The following CNTN6 variants were observed in gnomAD, a reference collection of about 807,000 sequenced individuals.
The protein encoded by CNTN6 is contactin-6.
In CNTN6, 137 loss-of-function variants were observed where a neutral mutation model predicts 122.8. That is an observed-to-expected ratio of 1.12 (90% CI 0.97 to 1.29). The LOEUF (loss-of-function observed/expected upper bound fraction) is 1.29. CNTN6 is among the 50% of genes most tolerant of loss of function. CNTN6 has a pLI of 0.00. For synonymous variants in CNTN6, 570 were observed against 426.0 expected, an observed-to-expected ratio of 1.34 and a Z score of -4.16; for missense variants, 1,634 against 1,223.4, an observed-to-expected ratio of 1.34 and a Z score of -5.01.
At chr3:1,241,319 A>G (rs1338049347) in intron 4 of CNTN6, among the ~76,000 whole-genome samples, 1 of 151,774 alleles carries the variant, frequency 6.6e-6, no homozygotes, top group African/African-American at 2.4e-5. Flanking sequence ...TGGGGGTGGT[A>G]TGGAGAGAGA....
chr3:1,287,489 C>T (rs1694547690), intron 5 of CNTN6, among the ~76,000 whole-genome samples: 2 of 152,102 alleles, frequency 1.3e-5, no homozygotes, highest in Non-Finnish European at 2.9e-5. Flanking sequence ...GAAGTCTAGT[C>T]CTCATATATT....
At chr3:1,122,418 G>T (rs2091992294) in intron 1 of CNTN6, among the ~76,000 whole-genome samples, 1 of 151,536 alleles carries the variant, frequency 6.6e-6, no homozygotes, top group Non-Finnish European at 1.5e-5. Flanking sequence ...TCAACCAGCG[G>T]TGATTTAAAA....
intron 11 of CNTN6, among the ~76,000 whole-genome samples, chr3:1,344,978 G>GT (rs1704449601): frequency 6.6e-6 from 1 of 151,750 alleles, no homozygotes; most frequent in African/African-American, 2.4e-5. Context: ...TGTCTCTTTT[G>GT]CTTTTTTTCA....
chr3:1,278,174 C>G (rs1175802094), intron 4 of CNTN6, among the ~76,000 whole-genome samples: 1 of 152,094 alleles, frequency 6.6e-6, no homozygotes, highest in African/African-American at 2.4e-5. Flanking sequence ...AGAATAAAAG[C>G]AAACAGATAG....
intron 2 of CNTN6, among the ~76,000 whole-genome samples, chr3:1,173,955 G>T (rs943308304): frequency 3.9e-5 from 6 of 151,924 alleles, no homozygotes; most frequent in Non-Finnish European, 8.8e-5. Flanking sequence ...AATACACTGT[G>T]ATTTTCTGAT....
intron 12 of CNTN6, among the ~76,000 whole-genome samples, chr3:1,363,336 A>G (rs1291384685): frequency 6.6e-6 from 1 of 151,966 alleles, no homozygotes; most frequent in Non-Finnish European, 1.5e-5. Flanking sequence ...AGATAACTGT[A>G]TCATTGTGCT....
At chr3:1,340,443 C>T (rs1178132773) in intron 11 of CNTN6, among the ~76,000 whole-genome samples, 1 of 152,124 alleles carries the variant, frequency 6.6e-6, no homozygotes, top group Non-Finnish European at 1.5e-5. Flanking sequence ...TTCAGTGGCA[C>T]AGCATCGTGA....
chr3:1,170,932 T>G (rs1037545138), intron 2 of CNTN6, among the ~76,000 whole-genome samples: 1 of 152,198 alleles, frequency 6.6e-6, no homozygotes, highest in African/African-American at 2.4e-5. Context: ...ATATTACTAT[T>G]TGTACAGACT....
At chr3:1,259,170 CT>C (rs2094805866) in intron 4 of CNTN6, among the ~76,000 whole-genome samples, 1 of 151,888 alleles carries the variant, frequency 6.6e-6, no homozygotes, top group Non-Finnish European at 1.5e-5. Flanking sequence ...AAAAATTCTC[CT>C]TAGATAATCT....
chr3:1,299,584 C>A (rs752732998), intron 7 of CNTN6, among the ~76,000 whole-genome samples: 1 of 152,124 alleles, frequency 6.6e-6, no homozygotes, highest in Non-Finnish European at 1.5e-5. Context: ...GGGCAAGTTA[C>A]GTTTTCATTA....
chr3:1,275,962 G>C (rs1692275023), intron 4 of CNTN6, among the ~76,000 whole-genome samples: 1 of 152,010 alleles, frequency 6.6e-6, no homozygotes, highest in South Asian at 2.1e-4. Flanking sequence ...GATAGCTCAT[G>C]GATAATACAA....
chr3:1,141,988 C>T (rs1024134989), intron 1 of CNTN6, among the ~76,000 whole-genome samples: 1 of 152,054 alleles, frequency 6.6e-6, no homozygotes, highest in Non-Finnish European at 1.5e-5. Flanking sequence ...AAGAGAATAA[C>T]AGAGGTACCA....
chr3:1,227,722 T>G (rs1200688398), intron 3 of CNTN6, 96 bp from the exon 4 acceptor site: 1 of 1,316,514 alleles, frequency 7.6e-7, no homozygotes, highest in East Asian at 2.3e-5. Context: ...TTTTTGGTGT[T>G]TTTTATAGTT....
chr3:1,173,189 T>A, intron 2 of CNTN6: 1 of 456,480 alleles, frequency 2.2e-6, no homozygotes, highest in South Asian at 1.5e-5. Flanking sequence ...GATCACTCTA[T>A]TTGTTTCATC....
intron 5 of CNTN6, among the ~76,000 whole-genome samples, chr3:1,291,269 G>C (rs1695272071): frequency 6.6e-6 from 1 of 152,086 alleles, no homozygotes; most frequent in Non-Finnish European, 1.5e-5. Flanking sequence ...CCTATTTCTG[G>C]ATTAGATTCT....
At chr3:1,268,163 G>A (rs984114600) in intron 4 of CNTN6, among the ~76,000 whole-genome samples, 12 of 152,226 alleles carry the variant, frequency 7.9e-5, no homozygotes, top group Non-Finnish European at 1.6e-4. Flanking sequence ...ACTATGAGAA[G>A]CAGGGCAGCC....
intron 20 of CNTN6, among the ~76,000 whole-genome samples, chr3:1,386,522 T>C (rs747674178): frequency 2.0e-5 from 3 of 152,198 alleles, no homozygotes; most frequent in Non-Finnish European, 2.9e-5. Flanking sequence ...TGACTGAGTC[T>C]GGTAATGCAC....
chr3:1,385,947 G>C, intron 20 of CNTN6, 150 bp downstream of exon 20: 1 of 654,510 alleles, frequency 1.5e-6, no homozygotes, highest in South Asian at 2.4e-5. Context: ...GATACTTGTT[G>C]AAACCTTTTG....
chr3:1,302,882 T>C (rs867655996), intron 7 of CNTN6, among the ~76,000 whole-genome samples: 1 of 152,288 alleles, frequency 6.6e-6, no homozygotes, highest in East Asian at 1.9e-4. Context: ...GTATTTGTTT[T>C]ACATTATCTT....
Sources: allele counts gnomAD v4.1 joint callset (sites outside exome capture counted in the v4.1 genomes callset), GRCh38; gene constraint gnomAD v4.1.1; transcripts MANE v1.5; gene names NCBI Gene and HGNC (gene_info 2026-07-23, HGNC 2026-07-21).